Variants in ATRNL1 observed in about 807,000 individuals in gnomAD.
ATRNL1 encodes the protein attractin-like protein 1.
In ATRNL1, 95 loss-of-function variants were observed where a neutral mutation model predicts 182.7. The ratio of observed to expected loss-of-function variants is 0.52; its 90% confidence interval spans 0.44 to 0.62. ATRNL1 has a LOEUF of 0.62. Ranked by LOEUF, ATRNL1 falls within the 20% of genes least tolerant of loss-of-function variation. ATRNL1 has a pLI of 0.00. For missense variants in ATRNL1, 1,471 were observed against 1,679.5 expected, an observed-to-expected ratio of 0.88 and a Z score of 2.17; for synonymous variants, 576 against 568.3, an observed-to-expected ratio of 1.01 and a Z score of -0.19.
intron 16 of ATRNL1, among the ~76,000 whole-genome samples, chr10:115,301,541 T>A (rs1554924471): frequency 1.3e-5 from 2 of 152,216 alleles, no homozygotes; most frequent in African/African-American, 4.8e-5. Flanking sequence ...GAAAAAATTG[T>A]GGCTGGGAAA....
chr10:115,934,472 C>A (rs1001430022), intron 28 of ATRNL1, among the ~76,000 whole-genome samples: 1 of 152,084 alleles, frequency 6.6e-6, no homozygotes, highest in Non-Finnish European at 1.5e-5. Flanking sequence ...ATGTCTGAAG[C>A]CAGACAAATG....
Position 115,103,125 on chromosome 10 carries a change from C to T in ATRNL1, c.293+9082C>T, listed in dbSNP as rs534903976. 1.4e-3 allele frequency among the ~76,000 whole-genome samples: 218 copies of T among 150,798 alleles called. 1 individual carries two copies. The highest frequency in any genetic ancestry group is 4.9e-3 in the African/African-American group (201 of 40,922). On this transcript the variant is annotated intron_variant, in intron 1 of 28. Coordinates refer to ENST00000355044, the MANE Select transcript of ATRNL1 (RefSeq NM_207303.4). The stretch of plus-strand genomic sequence containing the variant: ...TGATCTCGGCTCAATGCAACCCCTG[C>T]TTCCTGGGTTCACGCGATTCTCGTG...
intron 15 of ATRNL1, among the ~76,000 whole-genome samples, chr10:115,292,595 T>G (rs1219730319): frequency 2.0e-5 from 3 of 152,124 alleles, no homozygotes; most frequent in Admixed American, 1.3e-4. Flanking sequence ...AATTTTTAAA[T>G]TTCATTCTTA....
At chr10:115,389,552 A>ATATATATG (rs1843886164) in intron 19 of ATRNL1, among the ~76,000 whole-genome samples, 1 of 66,742 alleles carries the variant, frequency 1.5e-5, no homozygotes, top group Non-Finnish European at 3.4e-5. Context: ...ATATATATAT[A>ATATATATG]TATATATATA....
chr10:115,129,538 A>G lies in ATRNL1; in HGVS notation c.829+3A>G, dbSNP rs1390810892. The G allele has an allele frequency of 3.1e-6, 5 of 1,613,054 alleles. No homozygotes were observed. The highest frequency in any genetic ancestry group is 3.4e-6 in the Non-Finnish European group (4 of 1,179,154). The stretch of plus-strand genomic sequence containing the variant: ...TGTCTGCAATGATAGTTGGCAAGGT[A>G]AGCATGTGTGGTGTGATGGCTTTTG... On this transcript the variant is annotated splice_donor_region_variant and intron_variant, in intron 5 of 28. Coordinates refer to ENST00000355044, the MANE Select transcript of ATRNL1 (RefSeq NM_207303.4).
intron 1 of ATRNL1, among the ~76,000 whole-genome samples, chr10:115,094,793 A>G (rs1217162334): frequency 6.6e-6 from 1 of 152,196 alleles, no homozygotes; most frequent in Non-Finnish European, 1.5e-5. Context: ...CACACTCCAG[A>G]ATGTGTACTT....
intron 19 of ATRNL1, among the ~76,000 whole-genome samples, chr10:115,366,244 G>C (rs1857030546): frequency 6.6e-6 from 1 of 152,080 alleles, no homozygotes; most frequent in Non-Finnish European, 1.5e-5. Flanking sequence ...AGCTCTTCTT[G>C]TTGAATTGAT....
chr10:115,836,676 C>T (rs183015436), intron 27 of ATRNL1, among the ~76,000 whole-genome samples: 111 of 152,280 alleles, frequency 7.3e-4, no homozygotes, highest in African/African-American at 2.6e-3. Context: ...CAGGCCTACC[C>T]TAATGGAGTA....
chr10:115,542,921 C>T (rs975990258), intron 25 of ATRNL1, among the ~76,000 whole-genome samples: 14 of 152,122 alleles, frequency 9.2e-5, no homozygotes, highest in Admixed American at 8.5e-4. Flanking sequence ...TTTGGTGTCT[C>T]TCCTTTAAGG....
In ATRNL1 at chr10:115,389,064, C is replaced by T. The variant is rs369577954; in HGVS notation, c.3176-5595C>T. Among the ~76,000 whole-genome samples the T allele has an allele frequency of 4.3e-4, 66 of 152,196 alleles. 1 individual carries two copies. The East Asian group carries it at 8.7e-3, about 20-fold the overall frequency. ...CAACCTTTCTTCTTTCCCCTTCCAT[C>T]GCTCCTAACCCTGGCTTGTGGTAAT... On this transcript the variant is annotated intron_variant, in intron 19 of 28. Coordinates refer to ENST00000355044, the MANE Select transcript of ATRNL1 (RefSeq NM_207303.4).
chr10:115,593,973 A>G (rs989652751), intron 26 of ATRNL1, among the ~76,000 whole-genome samples: 111 of 152,192 alleles, frequency 7.3e-4, no homozygotes, highest in Middle Eastern at 3.5e-3. Flanking sequence ...GGGTTTTCAT[A>G]CCTTGCTAGA....
intron 25 of ATRNL1, among the ~76,000 whole-genome samples, chr10:115,523,167 C>T (rs1349556429): frequency 1.3e-5 from 2 of 152,194 alleles, no homozygotes; most frequent in African/African-American, 2.4e-5. Context: ...CCTTCAGTGG[C>T]AGTAGGCACA....
intron 8 of ATRNL1, among the ~76,000 whole-genome samples, chr10:115,174,340 A>T (rs951054726): frequency 6.6e-6 from 1 of 151,740 alleles, no homozygotes; most frequent in Non-Finnish European, 1.5e-5. Context: ...AACTGTTACC[A>T]CATTTGTCCT....
At chr10:115,759,006 A>G (rs1449623360) in intron 27 of ATRNL1, among the ~76,000 whole-genome samples, 8 of 152,182 alleles carry the variant, frequency 5.3e-5, no homozygotes, top group African/African-American at 1.7e-4. Context: ...TTGTATTACA[A>G]TTTTAAAATA....
intron 26 of ATRNL1, among the ~76,000 whole-genome samples, chr10:115,703,565 G>A (rs1762478428): frequency 6.6e-6 from 1 of 151,800 alleles, no homozygotes; most frequent in South Asian, 2.1e-4. Context: ...GGATGATCTA[G>A]TAACATTCTG....
At chr10:115,435,758 A>G (rs1846376939) in intron 21 of ATRNL1, among the ~76,000 whole-genome samples, 1 of 152,192 alleles carries the variant, frequency 6.6e-6, no homozygotes, top group Admixed American at 6.5e-5. Context: ...TTTTGTTTCC[A>G]TCCTAACACT....
At chr10:115,790,816 TTTTCTTTACTCAG>T (rs1949514032) in intron 27 of ATRNL1, among the ~76,000 whole-genome samples, 1 of 152,182 alleles carries the variant, frequency 6.6e-6, no homozygotes, top group African/African-American at 2.4e-5. Flanking sequence ...AAGGCACCTA[TTTTCTTTACTCAG>T]TTTCTTACAC....
intron 26 of ATRNL1, among the ~76,000 whole-genome samples, chr10:115,661,930 C>T (rs1593028137): frequency 7.5e-6 from 1 of 133,134 alleles, no homozygotes; most frequent in East Asian, 2.6e-4. Flanking sequence ...CCTCCCCCCT[C>T]CTCCCACCCC....
chr10:115,302,345 C>G (rs1853514331), intron 17 of ATRNL1, among the ~76,000 whole-genome samples: 1 of 152,162 alleles, frequency 6.6e-6, no homozygotes, highest in Admixed American at 6.5e-5. Context: ...CCTCAAACAT[C>G]ACAGATTGCT....
Sources: gnomAD v4.1 joint callset for allele counts (sites outside exome capture counted in the v4.1 genomes callset) on GRCh38, gnomAD v4.1.1 for gene constraint, MANE v1.5 for transcripts, NCBI Gene and HGNC (gene_info 2026-07-23, HGNC 2026-07-21) for gene names.